WASHC2A: variants seen among roughly 807,000 people sequenced by gnomAD.
The protein encoded by WASHC2A is WASH complex subunit 2A.
In WASHC2A, 82 loss-of-function variants were observed where a neutral mutation model predicts 140.3. The observed-to-expected ratio is 0.58, with a 90% confidence interval of 0.49 to 0.70. The LOEUF (loss-of-function observed/expected upper bound fraction) is 0.70, where lower values mean the gene tolerates loss of function less well. WASHC2A is among the 30% of genes least tolerant of loss of function. The pLI is 0.00. For synonymous variants in WASHC2A, 340 were observed against 560.8 expected (o/e 0.61, Z 5.56); for missense variants, 985 against 1,521.8 (o/e 0.65, Z 5.87).
chr10:50,103,891 T>C, intron 17 of WASHC2A, 151 bp from the exon 18 acceptor site: 1 of 746,000 alleles, frequency 1.3e-6, no homozygotes, highest in Non-Finnish European at 2.3e-6. Context: ...GCCTATCCCT[T>C]TAAGGACTCT....
intron 2 of WASHC2A, among the ~76,000 whole-genome samples, chr10:50,069,115 T>C (rs532503551): frequency 1.3e-5 from 2 of 152,078 alleles, no homozygotes; most frequent in East Asian, 3.9e-4. Flanking sequence ...CAATGTCACT[T>C]GGTTTTAGTA....
Position 50,087,322 on chromosome 10 carries a change from G to A in WASHC2A, c.732G>A (p.Arg244=). ...ATCATAGTGACAATGAACAAAACCG[G>A]GTAAGGCTCATATATTGAAATGACT... is the stretch of plus-strand genomic sequence containing the variant. ...FAHHSDNEQN[R]HTTQMSDEEE... Residue 244 remains arginine (R), a splice_region_variant and synonymous_variant, in exon 8 of 31, where the codon CGG becomes CGA. Transcript: ENST00000282633. 2.5e-6 allele frequency: 4 copies of A among 1,613,898 alleles called. No homozygotes were observed. Among genetic ancestry groups the A allele is most frequent in the Non-Finnish European group, 3.4e-6 (4 of 1,179,856 alleles).
chr10:50,094,104 T>C (rs1402451342), intron 13 of WASHC2A, among the ~76,000 whole-genome samples, 187 bp downstream of exon 13: 18 of 151,920 alleles, frequency 1.2e-4, no homozygotes, highest in Non-Finnish European at 2.2e-4. Context: ...AACAGTACCA[T>C]CTGTAAACCC....
chr10:50,084,828 T>A (rs1839250357), intron 6 of WASHC2A, among the ~76,000 whole-genome samples: 1 of 146,844 alleles, frequency 6.8e-6, no homozygotes, highest in Admixed American at 6.8e-5. Context: ...CTCCACCTCC[T>A]GGGTTCAAGC....
rs1376351052 is a variant in WASHC2A at position 50,125,921 on chromosome 10, A to G, written c.2689-136A>G. The G allele has an allele frequency of 9.3e-6, 9 of 965,538 alleles. No individual in the cohort carries two copies. The East Asian group carries it at 1.8e-4, about 19-fold the overall frequency. 59.8% of individuals were successfully genotyped at this position (965,538 alleles called of 1,614,324 possible). ...TTCAGAATGCTATTTCTGAAATGCT[A>G]CCTTTGAGTTGGTTCAGCCCTCATT... On this transcript the variant is annotated intron_variant, in intron 25 of 30. Coordinates refer to ENST00000282633, the MANE Select transcript of WASHC2A (RefSeq NM_001005751.3).
At chr10:50,075,183 A>G (rs1324701408) in intron 3 of WASHC2A, among the ~76,000 whole-genome samples, 1 of 151,756 alleles carries the variant, frequency 6.6e-6, no homozygotes, top group East Asian at 1.9e-4. Flanking sequence ...TTTATTTAAT[A>G]ATCTTCTAAT....
Position 50,130,880 on chromosome 10 carries a change from A to G in WASHC2A, c.3709-21A>G, listed in dbSNP as rs777173258. 5 of 1,603,806 alleles carry G rather than the reference A, an allele frequency of 3.1e-6. No homozygotes were observed. The South Asian group carries it at 4.5e-5, about 14-fold the overall frequency. On this transcript the variant is annotated intron_variant, in intron 29 of 30. Coordinates refer to ENST00000282633, the MANE Select transcript of WASHC2A (RefSeq NM_001005751.3). ...AAAAATTGATTTAACATTATTTTGTATGTATTTTTGGCTTAACAAGGATGA... is the reference window on the plus strand; with the variant it reads ...AAAAATTGATTTAACATTATTTTGTGTGTATTTTTGGCTTAACAAGGATGA...
intron 20 of WASHC2A, among the ~76,000 whole-genome samples, chr10:50,113,587 C>T (rs1842459951): frequency 1.3e-5 from 2 of 151,072 alleles, no homozygotes; most frequent in Admixed American, 6.6e-5. Context: ...AGAGAATGTT[C>T]TGCTTGGGAA....
intron 16 of WASHC2A, among the ~76,000 whole-genome samples, chr10:50,099,209 C>G (rs1840809580): frequency 6.6e-6 from 1 of 151,366 alleles, no homozygotes. Context: ...TTTAGTATTG[C>G]TTTGGGATCA....
intron 16 of WASHC2A, among the ~76,000 whole-genome samples, chr10:50,098,854 C>T (rs1421116821): frequency 4.0e-5 from 6 of 148,460 alleles, no homozygotes; most frequent in African/African-American, 1.2e-4. Context: ...CAGGGTTGTG[C>T]ACTTCCAGTT....
chr10:50,076,786 C>T (rs1198175315), intron 3 of WASHC2A, among the ~76,000 whole-genome samples: 1 of 150,368 alleles, frequency 6.7e-6, no homozygotes, highest in Admixed American at 6.6e-5. Context: ...TGAGACCAGC[C>T]TGGCCAACAT....
At chr10:50,100,560 C>CT (rs1458549636) in intron 17 of WASHC2A, among the ~76,000 whole-genome samples, 19 of 152,156 alleles carry the variant, frequency 1.2e-4, no homozygotes, top group South Asian at 8.3e-4. Context: ...ATACTTTTCA[C>CT]TTTGGGTTGG....
chr10:50,068,392 G>C (rs1450133771), intron 2 of WASHC2A, among the ~76,000 whole-genome samples, 165 bp downstream of exon 2: 1 of 151,604 alleles, frequency 6.6e-6, no homozygotes, highest in Non-Finnish European at 1.5e-5. Context: ...GGCAGTCCCC[G>C]GCCACCAGGG....
intron 7 of WASHC2A, among the ~76,000 whole-genome samples, chr10:50,086,007 C>T (rs1281644272): frequency 4.3e-4 from 64 of 148,014 alleles, no homozygotes; most frequent in Non-Finnish European, 5.3e-4. Flanking sequence ...TTGCTGCTGC[C>T]GCTAGCGCTT....
chr10:50,130,899 A>T lies in WASHC2A; in HGVS notation c.3709-2A>T, dbSNP rs763110641. The T allele has an allele frequency of 2.5e-6, 4 of 1,600,608 alleles. No individual in the cohort carries two copies. Among genetic ancestry groups the T allele is most frequent in the Non-Finnish European group, 3.4e-6 (4 of 1,177,018 alleles). The stretch of plus-strand genomic sequence containing the variant: ...TTTTGTATGTATTTTTGGCTTAACA[A>T]GGATGATATATTTGCTACGGAAGCA... On this transcript the variant is annotated splice_acceptor_variant, in intron 29 of 30. Transcript: ENST00000282633. LOFTEE classifies it high-confidence loss of function.
intron 26 of WASHC2A, among the ~76,000 whole-genome samples, 193 bp from the exon 27 acceptor site, chr10:50,126,967 G>A (rs1209979617): frequency 6.6e-6 from 1 of 152,096 alleles, no homozygotes; most frequent in African/African-American, 2.4e-5. Flanking sequence ...TTCCACTTAC[G>A]TGACAGAGGA....
rs376576325 is a variant in WASHC2A, at chr10:50,105,996, G to A, written c.1738-338G>A. Among the ~76,000 whole-genome samples, 92 of 152,368 alleles carry A rather than the reference G, an allele frequency of 6.0e-4. 1 individual carries two copies. In the East Asian group the frequency reaches 6.8e-3, roughly 11 times the overall value. On this transcript the variant is annotated intron_variant, in intron 18 of 30. Coordinates refer to ENST00000282633, the MANE Select transcript of WASHC2A (RefSeq NM_001005751.3). ...GCGGGGGCTCCCGTGCCCATTGCAG[G>A]CTGTAACCCCCTGAAATGAGCAGAG...
Position 50,118,047 on chromosome 10 carries a change from G to A in WASHC2A, c.2284G>A (p.Glu762Lys), listed in dbSNP as rs1589266721. Residue 762 changes from glutamate to lysine, a missense_variant, in exon 22 of 31, where the codon GAG becomes AAG. Transcript: ENST00000282633. ...SLKFGRTDVA[E>K]SEKEGLLTRS... ...AAAATTTGGGAGAACTGATGTGGCT[G>A]AGTCAGAAAAGGTGGACTTTTTTCT... 4 of 1,607,882 alleles carry A rather than the reference G, an allele frequency of 2.5e-6. No individual in the cohort carries two copies. In the South Asian group the frequency reaches 3.3e-5, roughly 13 times the overall value.
chr10:50,070,434 A>T (rs1837697607), intron 3 of WASHC2A, among the ~76,000 whole-genome samples: 1 of 152,248 alleles, frequency 6.6e-6, no homozygotes, highest in African/African-American at 2.4e-5. Flanking sequence ...GAATATCAGC[A>T]TTCATTTGTG....
Sources: allele counts gnomAD v4.1 joint callset (sites outside exome capture counted in the v4.1 genomes callset), GRCh38; gene constraint gnomAD v4.1.1; transcripts MANE v1.5; gene names NCBI Gene and HGNC (gene_info 2026-07-23, HGNC 2026-07-21).